Variants in RCN2 observed in about 807,000 individuals in gnomAD.
The protein encoded by RCN2 is reticulocalbin 2, also known as reticulocalbin-2.
Under a neutral mutation model 37.5 loss-of-function variants are expected in RCN2, and 23 were observed. The observed-to-expected ratio is 0.61, with a 90% CI of 0.44 to 0.87. The LOEUF is 0.87. Ranked by LOEUF, RCN2 falls within the 40% of genes least tolerant of loss-of-function variation. RCN2 has a pLI of 0.00. For missense variants in RCN2, 381 were observed against 390.4 expected (o/e 0.98, Z 0.20); for synonymous variants, 140 against 144.6 (o/e 0.97, Z 0.23).
intron 5 of RCN2, 137 bp from the exon 6 acceptor site, chr15:76,948,273 A>G: frequency 2.0e-6 from 1 of 507,864 alleles, no homozygotes; most frequent in Non-Finnish European, 3.3e-6. Context: ...AGGACTTTTC[A>G]GTTAAGTAGT....
intron 4 of RCN2, among the ~76,000 whole-genome samples, chr15:76,944,589 T>G: frequency 6.6e-6 from 1 of 152,232 alleles, no homozygotes; most frequent in East Asian, 1.9e-4. Flanking sequence ...TGTTTTGATT[T>G]TTAGATCCCA....
At chr15:76,941,728 G>T in intron 3 of RCN2, 1 of 1,115,038 alleles carries the variant, frequency 9.0e-7, no homozygotes. Context: ...AAATGGCCGT[G>T]AAATGTGAAC....
Position 76,935,509 on chromosome 15 carries a change from C to G in RCN2, c.251-17C>G, listed in dbSNP as rs753865911. On this transcript the variant is annotated splice_polypyrimidine_tract_variant and intron_variant, in intron 2 of 6. Coordinates refer to ENST00000394885, the MANE Select transcript of RCN2 (RefSeq NM_002902.3). Reference sequence around the variant, plus strand: ...GAATTAACGTCACATGCGTTGTGTTCTGGGAAATTCTCATAGGTGAACTCA... The same window carrying G: ...GAATTAACGTCACATGCGTTGTGTTGTGGGAAATTCTCATAGGTGAACTCA... 6.3e-7 allele frequency: 1 copy of G among 1,594,290 alleles called. No homozygotes were observed. Among genetic ancestry groups the G allele is most frequent in the Non-Finnish European group, 8.6e-7 (1 of 1,166,884 alleles).
At position 76,951,588 on chromosome 15, in the gene RCN2, G is replaced by C. The variant is rs1223911008; in HGVS notation, c.*2366G>C. On this transcript the variant is annotated 3_prime_UTR_variant, in exon 7 of 7. Transcript: ENST00000394885. ...CTTTTAATAAGCATGCAGAGAAAAA[G>C]AATCATCTGCTTGAACAGAGATGCT... The C allele has an allele frequency of 1.3e-5, 2 of 152,178 alleles. No individual in the cohort carries two copies. Among genetic ancestry groups the C allele is most frequent in the Admixed American group, 1.3e-4 (2 of 15,276 alleles). The allele number at this position is 152,178 out of a possible 1,614,324, so 9.4% of individuals were successfully genotyped here. A position where few individuals can be genotyped will look rare whatever the true frequency, so the allele number is the denominator to read the frequency against.
chr15:76,947,053 A>G (rs1281092437), intron 4 of RCN2, among the ~76,000 whole-genome samples: 2 of 152,236 alleles, frequency 1.3e-5, no homozygotes, highest in African/African-American at 2.4e-5. Context: ...CAAAGGTAGT[A>G]TAAGATGCTT....
Position 76,950,976 on chromosome 15 carries a change from C to A in RCN2, c.*1754C>A, listed in dbSNP as rs2075318372. ...GTATCTACATGGTTTTCATTTTAACCTACACTATATGTCTGGCTATAGCAG... is the reference window on the plus strand; with the variant it reads ...GTATCTACATGGTTTTCATTTTAACATACACTATATGTCTGGCTATAGCAG... On this transcript the variant is annotated 3_prime_UTR_variant, in exon 7 of 7. Coordinates refer to ENST00000394885, the MANE Select transcript of RCN2 (RefSeq NM_002902.3). The A allele has an allele frequency of 6.6e-6, 1 of 152,152 alleles. No homozygotes were observed. Among genetic ancestry groups the A allele is most frequent in the African/African-American group, 2.4e-5 (1 of 41,420 alleles). 9.4% of individuals were successfully genotyped at this position (152,152 alleles called of 1,614,324 possible). A position where few individuals can be genotyped will look rare whatever the true frequency, so the allele number is the denominator to read the frequency against.
intron 3 of RCN2, 88 bp from the exon 4 acceptor site, chr15:76,943,670 G>A (rs1331050113): frequency 1.4e-6 from 1 of 704,236 alleles, no homozygotes; most frequent in Admixed American, 2.4e-5. Flanking sequence ...ATAACGGATG[G>A]GAATGTACTT....
chr15:76,940,517 C>T (rs1009125524), intron 3 of RCN2, among the ~76,000 whole-genome samples: 1 of 148,428 alleles, frequency 6.7e-6, no homozygotes, highest in South Asian at 2.1e-4. Context: ...TTATAACTGA[C>T]GAAAGTCAGC....
At position 76,931,922 on chromosome 15, in the gene RCN2, G is replaced by A. The variant is rs2075224560; in HGVS notation, c.81G>A (p.Glu27=). ...CGGCCGGCGCCGGCAAGGCCGAGGAGCTGCACTACCCGCTGGGCGAGCGCC... is the reference window on the plus strand; with the variant it reads ...CGGCCGGCGCCGGCAAGGCCGAGGAACTGCACTACCCGCTGGGCGAGCGCC... ...AAAAGAGKAE[E]LHYPLGERRS... The change falls in exon 1 of 7, where the codon GAG becomes GAA. Residue 27 remains glutamate (E), a synonymous_variant. Coordinates refer to ENST00000394885, the MANE Select transcript of RCN2 (RefSeq NM_002902.3). 2 of 1,326,270 alleles carry A rather than the reference G, an allele frequency of 1.5e-6. No homozygotes were observed. Among genetic ancestry groups the A allele is most frequent in the African/African-American group, 3.1e-5 (2 of 64,974 alleles). The allele number at this position is 1,326,270 out of a possible 1,614,324, so 82.2% of individuals were successfully genotyped here. A position where few individuals can be genotyped will look rare whatever the true frequency, so the allele number is the denominator to read the frequency against.
intron 3 of RCN2, 37 bp downstream of exon 3, chr15:76,935,759 G>T (rs776818157): frequency 1.3e-6 from 2 of 1,523,244 alleles, no homozygotes; most frequent in African/African-American, 2.8e-5. Context: ...TTTTGATCAT[G>T]TCAGTTCACT....
chr15:76,938,484 A>G (rs1385181402), intron 3 of RCN2, among the ~76,000 whole-genome samples: 1 of 152,152 alleles, frequency 6.6e-6, no homozygotes, highest in Non-Finnish European at 1.5e-5. Flanking sequence ...CAAATTTACT[A>G]TTGTAACCAT....
chr15:76,941,841 TCTC>T (rs2075277731), intron 3 of RCN2: 2 of 446,554 alleles, frequency 4.5e-6, no homozygotes, highest in South Asian at 5.8e-5. Flanking sequence ...ATTTAGCTCT[TCTC>T]CTGAAACATG....
Position 76,947,183 on chromosome 15 carries a change from A to G in RCN2, c.562-238A>G, listed in dbSNP as rs370064144. 1.2e-4 allele frequency among the ~76,000 whole-genome samples: 19 copies of G among 152,362 alleles called. No individual in the cohort carries two copies. The East Asian group carries it at 3.5e-3, about 28-fold the overall frequency. ...TTAAGGATGTTGAATTTAAAGCTACATAGTACTTCAGGTTTTATTCTTGCT... is the reference window on the plus strand; with the variant it reads ...TTAAGGATGTTGAATTTAAAGCTACGTAGTACTTCAGGTTTTATTCTTGCT... On this transcript the variant is annotated intron_variant, in intron 4 of 6. Coordinates refer to ENST00000394885, the MANE Select transcript of RCN2 (RefSeq NM_002902.3).
rs1596007734 is a variant in RCN2 at position 76,948,921 on chromosome 15, C to T, written c.802-149C>T. 4.1e-6 allele frequency: 3 copies of T among 728,548 alleles called. No homozygotes were observed. In the East Asian group the frequency reaches 7.8e-5, roughly 19 times the overall value. 45.1% of individuals were successfully genotyped at this position (728,548 alleles called of 1,614,324 possible). Reference sequence around the variant, plus strand: ...ATAATGGGAAAAGCAGTAGACGGACCTGGTTACAACGTGTAACATTTTTAG... The same window carrying T: ...ATAATGGGAAAAGCAGTAGACGGACTTGGTTACAACGTGTAACATTTTTAG... On this transcript the variant is annotated intron_variant, in intron 6 of 6. Transcript: ENST00000394885.
rs1190604711 is a variant in RCN2, at chr15:76,931,908, G to T, written c.67G>T (p.Gly23Cys). The change falls in exon 1 of 7, where the codon GGC becomes TGC. Residue 23 changes from glycine to cysteine, a missense_variant. Gly to Cys is a radical substitution (Grantham distance 159). Transcript: ENST00000394885. The part of the protein sequence containing the change: ...LLLCAAAAGA[G>C]KAEELHYPLG... ...GCTGTGCGCCGCCGCGGCCGGCGCC[G>T]GCAAGGCCGAGGAGCTGCACTACCC... 1 of 1,325,886 alleles carries T rather than the reference G, an allele frequency of 7.5e-7. No homozygotes were observed. The highest frequency in any genetic ancestry group is 1.5e-5 in the African/African-American group (1 of 65,004). The allele number at this position is 1,325,886 out of a possible 1,614,324, so 82.1% of individuals were successfully genotyped here. A position where few individuals can be genotyped will look rare whatever the true frequency, so the allele number is the denominator to read the frequency against.
intron 3 of RCN2, chr15:76,941,660 GTCTT>G (rs1394515568): frequency 6.0e-6 from 9 of 1,505,906 alleles, no homozygotes; most frequent in Admixed American, 2.1e-5. Context: ...GTAAAAAACA[GTCTT>G]TCTGTTTTTG....
In RCN2 at chr15:76,943,595, A is replaced by G. The variant is rs747682498; in HGVS notation, c.448-163A>G. 2.4e-4 allele frequency: 126 copies of G among 525,368 alleles called. 1 individual carries two copies. Among genetic ancestry groups the G allele is most frequent in the African/African-American group, 5.7e-4 (30 of 52,714 alleles). 32.5% of individuals were successfully genotyped at this position (525,368 alleles called of 1,614,324 possible). On this transcript the variant is annotated intron_variant, in intron 3 of 6. Transcript: ENST00000394885. Reference sequence around the variant, plus strand: ...ATATGACTCTAGAGCTTGTGAGTCTATCCTGCCCCTAATACATGTATTTGT... The same window carrying G: ...ATATGACTCTAGAGCTTGTGAGTCTGTCCTGCCCCTAATACATGTATTTGT...
intron 3 of RCN2, among the ~76,000 whole-genome samples, chr15:76,937,835 C>G (rs191894651): frequency 2.2e-4 from 34 of 152,210 alleles, no homozygotes; most frequent in Admixed American, 1.9e-3. Flanking sequence ...GAATTAGGAA[C>G]TTTTTAACAC....
At position 76,954,192 on chromosome 15, in the gene RCN2, G is replaced by A. The variant is rs1045205879; in HGVS notation, c.*4970G>A. The stretch of plus-strand genomic sequence containing the variant: ...CATTCCTTTGCAATTTAAATGTGAG[G>A]ATAAATGTATGCTATTGTTTCTCAA... On this transcript the variant is annotated 3_prime_UTR_variant, in exon 7 of 7. Transcript: ENST00000394885. 10 of 151,642 alleles carry A rather than the reference G, an allele frequency of 6.6e-5. No homozygotes were observed. The highest frequency in any genetic ancestry group is 3.9e-4 in the Admixed American group (6 of 15,232). 9.4% of individuals were successfully genotyped at this position (151,642 alleles called of 1,614,324 possible). A position where few individuals can be genotyped will look rare whatever the true frequency, so the allele number is the denominator to read the frequency against.
Sources: allele counts gnomAD v4.1 joint callset (sites outside exome capture counted in the v4.1 genomes callset), GRCh38; gene constraint gnomAD v4.1.1; transcripts MANE v1.5; gene names NCBI Gene and HGNC (gene_info 2026-07-23, HGNC 2026-07-21).